The following RELN variants were observed in gnomAD, a reference collection of about 807,000 sequenced individuals.
RELN encodes the protein reelin.
In RELN, 108 loss-of-function variants were observed where a neutral mutation model predicts 427.6. That is an observed-to-expected ratio of 0.25 (90% confidence interval 0.22 to 0.30). The LOEUF is 0.30. RELN is among the 10% of genes least tolerant of loss of function. The probability of loss-of-function intolerance (pLI) is 1.00; values close to 1 mark genes in which losing one functional copy is unlikely to be tolerated. For synonymous variants in RELN, 1,524 were observed against 1,513.4 expected, an observed-to-expected ratio of 1.01 and a Z score of -0.16; for missense variants, 3,715 against 4,302.8, an observed-to-expected ratio of 0.86 and a Z score of 3.82.
intron 6 of RELN, among the ~76,000 whole-genome samples, chr7:103,740,878 C>A (rs193144033): frequency 2.6e-5 from 4 of 151,330 alleles, no homozygotes; most frequent in African/African-American, 9.8e-5. Context: ...AAAATATGCT[C>A]TTATAAGTAG....
At chr7:103,670,874 A>C (rs545791310) in intron 11 of RELN, among the ~76,000 whole-genome samples, 2 of 152,224 alleles carry the variant, frequency 1.3e-5, no homozygotes, top group African/African-American at 4.8e-5. Flanking sequence ...ATTTTCTATG[A>C]ATTTTTAATT....
chr7:103,497,789 C>T (rs748328962), intron 55 of RELN, 31 bp downstream of exon 55: 2 of 1,574,066 alleles, frequency 1.3e-6, no homozygotes, highest in East Asian at 2.2e-5. Flanking sequence ...GGAATCTGCT[C>T]CAAGGGGTGG....
chr7:103,757,548 T>G, intron 4 of RELN, among the ~76,000 whole-genome samples: 1 of 152,044 alleles, frequency 6.6e-6, no homozygotes, highest in Non-Finnish European at 1.5e-5. Flanking sequence ...AACTAGGGAG[T>G]TTTGGTTTCT....
intron 24 of RELN, among the ~76,000 whole-genome samples, chr7:103,602,395 G>A (rs993360593): frequency 4.6e-5 from 7 of 152,070 alleles, no homozygotes; most frequent in South Asian, 2.1e-4. Context: ...TGTTTACTGC[G>A]GCACTGTTCA....
intron 17 of RELN, 105 bp from the exon 18 acceptor site, chr7:103,636,573 T>C (rs574085910): frequency 1.5e-4 from 114 of 772,190 alleles, no homozygotes; most frequent in South Asian, 9.7e-4. Context: ...TTTGATTGAA[T>C]GGTAAATGAG....
chr7:103,880,057 T>C (rs1794571278), intron 2 of RELN, among the ~76,000 whole-genome samples: 1 of 151,994 alleles, frequency 6.6e-6, no homozygotes, highest in Admixed American at 6.6e-5. Flanking sequence ...TTTTCTGAAA[T>C]GAAAAACTAC....
chr7:103,978,357 T>C (rs1796924580), intron 1 of RELN, among the ~76,000 whole-genome samples: 1 of 152,232 alleles, frequency 6.6e-6, no homozygotes, highest in African/African-American at 2.4e-5. Context: ...TCGCTTAATA[T>C]AATGCCTTCC....
At chr7:103,587,734 T>C (rs1394348725) in intron 28 of RELN, among the ~76,000 whole-genome samples, 3 of 152,138 alleles carry the variant, frequency 2.0e-5, no homozygotes, top group Admixed American at 6.5e-5. Flanking sequence ...GAATAGACAT[T>C]TCTCAAAAGA....
chr7:103,765,881 T>A (rs1791414739), intron 4 of RELN, among the ~76,000 whole-genome samples: 1 of 152,186 alleles, frequency 6.6e-6, no homozygotes, highest in South Asian at 2.1e-4. Context: ...AAGAAGGCTG[T>A]TTAAATCTAT....
chr7:103,967,457 T>C (rs901504042), intron 1 of RELN, among the ~76,000 whole-genome samples: 4 of 152,184 alleles, frequency 2.6e-5, no homozygotes, highest in East Asian at 1.9e-4. Context: ...CCTAGAGCAG[T>C]GAACCTACCA....
intron 53 of RELN, among the ~76,000 whole-genome samples, chr7:103,499,391 T>C (rs751440617): frequency 2.0e-4 from 31 of 152,232 alleles, no homozygotes; most frequent in Non-Finnish European, 3.2e-4. Flanking sequence ...ATTCATTCTG[T>C]CTACAGTACT....
intron 8 of RELN, among the ~76,000 whole-genome samples, chr7:103,717,323 T>A (rs182235868): frequency 0.021 from 3,124 of 149,134 alleles, 59 homozygotes; most frequent in Non-Finnish European, 0.029. Context: ...TACATATGTT[T>A]TATATATATA....
At chr7:103,564,222 A>G (rs542938898) in intron 34 of RELN, among the ~76,000 whole-genome samples, 7 of 152,376 alleles carry the variant, frequency 4.6e-5, no homozygotes, top group Non-Finnish European at 8.8e-5. Flanking sequence ...AAATACTAAA[A>G]TGTTTTGGCT....
At chr7:103,622,980 A>T (rs2117317733) in intron 20 of RELN, among the ~76,000 whole-genome samples, 1 of 152,342 alleles carries the variant, frequency 6.6e-6, no homozygotes, top group South Asian at 2.1e-4. Flanking sequence ...CTATCAATAA[A>T]TGAAAAACTT....
At chr7:103,944,344 G>T (rs1396036540) in intron 1 of RELN, among the ~76,000 whole-genome samples, 3 of 151,460 alleles carry the variant, frequency 2.0e-5, no homozygotes, top group Non-Finnish European at 2.9e-5. Flanking sequence ...GCCCAGAGGA[G>T]GAAGAACACT....
At chr7:103,540,856 C>T (rs1057285199) in intron 43 of RELN, among the ~76,000 whole-genome samples, 9 of 148,352 alleles carry the variant, frequency 6.1e-5, no homozygotes, top group Middle Eastern at 3.4e-3. Flanking sequence ...AAGTTTGAAA[C>T]GGGAAGAATG....
rs1405662024 is a variant in RELN, at chr7:103,539,263, C to G, written c.6995G>C (p.Ser2332Thr). ...VLEDDFTTLD[S>T]RKWLLHPGGT... is the part of the protein sequence containing the mutation. ...TCCTGGGTGAAGCAGCCATTTCCTA[C>G]TATCAAGGGTTGTGAAATCATCTTC... The change falls in exon 45 of 65, where the codon AGT becomes ACT. Residue 2332 changes from serine (S) to threonine (T), a missense_variant. By Grantham distance (58) the Ser-to-Thr change is moderately conservative (BLOSUM62 1). This residue lies in a region of RELN where 1,310 missense variants were observed against 1,643.0 expected (regional missense o/e 0.80). Coordinates refer to ENST00000428762, the MANE Select transcript of RELN (RefSeq NM_005045.4). The G allele has an allele frequency of 6.2e-7, 1 of 1,614,222 alleles. No homozygotes were observed. The highest frequency in any genetic ancestry group is 8.5e-7 in the Non-Finnish European group (1 of 1,180,022).
intron 1 of RELN, among the ~76,000 whole-genome samples, chr7:103,974,828 A>G (rs1178431779): frequency 6.6e-6 from 1 of 152,260 alleles, no homozygotes; most frequent in Non-Finnish European, 1.5e-5. Context: ...AAATTTAAAT[A>G]CAAACTAGCT....
chr7:103,936,723 CACAGACAG>C (rs529176445), intron 1 of RELN, among the ~76,000 whole-genome samples: 6 of 127,132 alleles, frequency 4.7e-5, no homozygotes, highest in South Asian at 2.9e-4. Context: ...CACACACACA[CACAGACAG>C]ACAGACAGAC....
Sources: gnomAD v4.1 joint callset for allele counts (sites outside exome capture counted in the v4.1 genomes callset) on GRCh38, gnomAD v4.1.1 for gene constraint, gnomAD v4.1.1 regional missense constraint, MANE v1.5 for transcripts, NCBI Gene and HGNC (gene_info 2026-07-23, HGNC 2026-07-21) for gene names.